The following DENND1A variants were observed in gnomAD, a reference collection of about 807,000 sequenced individuals.
DENND1A encodes the protein DENN domain containing 1A.
A neutral mutation model predicts 113.7 loss-of-function variants in DENND1A; 51 were observed. The ratio of observed to expected loss-of-function variants is 0.45; its 90% CI spans 0.36 to 0.57. The LOEUF (loss-of-function observed/expected upper bound fraction) is 0.57. Among genes scored for constraint, DENND1A ranks in the 20% least tolerant of loss-of-function variants. The pLI, the probability that DENND1A is intolerant of heterozygous loss-of-function variation, is 0.00. For missense variants in DENND1A, 1,258 were observed against 1,395.9 expected, an observed-to-expected ratio of 0.90 and a Z score of 1.57; for synonymous variants, 565 against 570.8, an observed-to-expected ratio of 0.99 and a Z score of 0.14.
chr9:123,811,368 T>A (rs1312087173), intron 2 of DENND1A, among the ~76,000 whole-genome samples: 1 of 152,038 alleles, frequency 6.6e-6, no homozygotes, highest in Non-Finnish European at 1.5e-5. Context: ...TAACTAAGAG[T>A]ATGGCTGGAT....
At position 123,614,343 on chromosome 9, in the gene DENND1A, G is replaced by C. The variant is rs541835335; in HGVS notation, c.720-4862C>G. ...CGCCAGTCCTCTTGGTTCCAGGCCT[G>C]TGATGCTGAGCGCTTCTCTGACAGG... On this transcript the variant is annotated intron_variant, in intron 10 of 23. Transcript: ENST00000394215. Among the ~76,000 whole-genome samples, 203 of 152,320 alleles carry C rather than the reference G, an allele frequency of 1.3e-3. 1 individual carries two copies. Among genetic ancestry groups the C allele is most frequent in the South Asian group, 1.9e-3 (9 of 4,820 alleles).
At chr9:123,918,590 T>C (rs1394836582) in intron 1 of DENND1A, among the ~76,000 whole-genome samples, 1 of 151,970 alleles carries the variant, frequency 6.6e-6, no homozygotes, top group Non-Finnish European at 1.5e-5. Context: ...AGCCAATAAG[T>C]TTAAATACAT....
chr9:123,663,827 T>C (rs2063363518), intron 8 of DENND1A, among the ~76,000 whole-genome samples: 1 of 151,704 alleles, frequency 6.6e-6, no homozygotes, highest in South Asian at 2.1e-4. Flanking sequence ...CTTTTAAAAA[T>C]GTAAGTTTTG....
At chr9:123,525,239 G>T (rs2054725256) in intron 13 of DENND1A, among the ~76,000 whole-genome samples, 1 of 152,212 alleles carries the variant, frequency 6.6e-6, no homozygotes, top group African/African-American at 2.4e-5. Context: ...CAGGACCCAG[G>T]GAGCAGCCCT....
intron 13 of DENND1A, among the ~76,000 whole-genome samples, chr9:123,459,189 A>G (rs951750340): frequency 9.2e-5 from 14 of 152,140 alleles, no homozygotes; most frequent in African/African-American, 2.9e-4. Flanking sequence ...AAGATTTTAT[A>G]CAGAAGGAAC....
At chr9:123,567,527 T>C (rs1360734344) in intron 12 of DENND1A, among the ~76,000 whole-genome samples, 1 of 152,212 alleles carries the variant, frequency 6.6e-6, no homozygotes, top group East Asian at 1.9e-4. Context: ...ACCAGAACAT[T>C]AATGCCTTTT....
intron 13 of DENND1A, among the ~76,000 whole-genome samples, chr9:123,546,947 ATAGTGTT>A (rs2056740017): frequency 6.6e-6 from 1 of 152,236 alleles, no homozygotes; most frequent in Non-Finnish European, 1.5e-5. Context: ...GAGATTGATC[ATAGTGTT>A]TAAGTGGATT....
At chr9:123,746,376 T>G (rs1055247095) in intron 5 of DENND1A, among the ~76,000 whole-genome samples, 5 of 152,178 alleles carry the variant, frequency 3.3e-5, no homozygotes, top group Non-Finnish European at 5.9e-5. Flanking sequence ...TATAAATCCA[T>G]GTTTTAAAAA....
At chr9:123,829,398 C>A (rs950198769) in intron 2 of DENND1A, among the ~76,000 whole-genome samples, 11 of 151,742 alleles carry the variant, frequency 7.2e-5, no homozygotes, top group African/African-American at 2.7e-4. Context: ...AAAATTCAGA[C>A]TTAAAAGAAA....
chr9:123,730,873 T>C (rs924827160), intron 5 of DENND1A, among the ~76,000 whole-genome samples: 6 of 152,082 alleles, frequency 3.9e-5, no homozygotes, highest in Non-Finnish European at 5.9e-5. Flanking sequence ...CCATGAATGA[T>C]AGACTGGATA....
At position 123,764,074 on chromosome 9, in the gene DENND1A, C is replaced by G. The variant is rs926334220; in HGVS notation, c.182+5440G>C. On this transcript the variant is annotated intron_variant, in intron 4 of 23. Coordinates refer to ENST00000394215, the MANE Select transcript of DENND1A (RefSeq NM_001352964.2). The surrounding 1 kb of genome is among the most constrained non-coding windows in gnomAD (Gnocchi z 4.1). ...AAACATTAAGGCCTGGACCTTACATCAGAATCCCAGACATGTTACTCAGCA... is the reference window on the plus strand; with the variant it reads ...AAACATTAAGGCCTGGACCTTACATGAGAATCCCAGACATGTTACTCAGCA... Among the ~76,000 whole-genome samples, 6 of 152,136 alleles carry G rather than the reference C, an allele frequency of 3.9e-5. No individual in the cohort carries two copies. Among genetic ancestry groups the G allele is most frequent in the Admixed American group, 6.5e-5 (1 of 15,270 alleles).
intron 19 of DENND1A, among the ~76,000 whole-genome samples, chr9:123,415,839 G>A (rs1247480583): frequency 2.0e-5 from 3 of 152,204 alleles, no homozygotes; most frequent in African/African-American, 7.2e-5. Flanking sequence ...ACAGGGCGTG[G>A]TGGGGCCATC....
At chr9:123,697,143 T>C (rs1482898965) in intron 5 of DENND1A, among the ~76,000 whole-genome samples, 1 of 152,210 alleles carries the variant, frequency 6.6e-6, no homozygotes, top group Non-Finnish European at 1.5e-5. Flanking sequence ...TTGCTTGCCA[T>C]TTTAACAGGA....
chr9:123,739,262 G>GTAT (rs1425668905), intron 5 of DENND1A, among the ~76,000 whole-genome samples: 8 of 152,074 alleles, frequency 5.3e-5, no homozygotes, highest in Non-Finnish European at 1.2e-4. Flanking sequence ...CAGTGAGAGG[G>GTAT]TATTAATAAG....
chr9:123,566,940 C>CACACA (rs1318552391), intron 12 of DENND1A, among the ~76,000 whole-genome samples: 1 of 150,980 alleles, frequency 6.6e-6, no homozygotes, highest in African/African-American at 2.4e-5. Context: ...CACACACACA[C>CACACA]AAACACACAC....
chr9:123,775,758 A>G (rs934894330), intron 3 of DENND1A, among the ~76,000 whole-genome samples: 1 of 152,176 alleles, frequency 6.6e-6, no homozygotes, highest in African/African-American at 2.4e-5. Flanking sequence ...CTTTCCTGCC[A>G]CCAGTCCTTC....
intron 2 of DENND1A, among the ~76,000 whole-genome samples, chr9:123,852,978 G>A (rs1843603542): frequency 6.6e-6 from 1 of 151,868 alleles, no homozygotes; most frequent in South Asian, 2.1e-4. Flanking sequence ...GAATGCAGTG[G>A]CATAATCTTG....
At chr9:123,818,501 CATAT>C (rs1246503734) in intron 2 of DENND1A, among the ~76,000 whole-genome samples, 8 of 130,382 alleles carry the variant, frequency 6.1e-5, no homozygotes, top group African/African-American at 1.1e-4. Flanking sequence ...GGAATATTGG[CATAT>C]ATATACATAC....
chr9:123,381,496 G>A lies in DENND1A; in HGVS notation c.3149C>T (p.Pro1050Leu), dbSNP rs765919260. The A allele has an allele frequency of 1.1e-5, 17 of 1,613,486 alleles. No individual in the cohort carries two copies. Among genetic ancestry groups the A allele is most frequent in the East Asian group, 6.7e-5 (3 of 44,870 alleles). ...QKTKQDVSPS[P>L]ALAPAPDSVE... Reference sequence around the variant, plus strand: ...CGAGTCTGGGGCCGGGGCCAGGGCCGGACTCGGGCTCACGTCTTGCTTGGT... The same window carrying A: ...CGAGTCTGGGGCCGGGGCCAGGGCCAGACTCGGGCTCACGTCTTGCTTGGT... Residue 1050 changes from proline to leucine, a missense_variant, in exon 24 of 24, where the codon CCG becomes CTG. By Grantham distance (98) the Pro-to-Leu change is moderately conservative. This residue lies in a region of DENND1A where 1,159 missense variants were observed against 1,231.7 expected (regional missense o/e 0.94). Transcript: ENST00000394215. This position sits in a 1 kb window ranked among gnomAD's most constrained non-coding sequence, Gnocchi z 4.7.
Sources: allele counts gnomAD v4.1 joint callset (sites outside exome capture counted in the v4.1 genomes callset), GRCh38; gene constraint gnomAD v4.1.1; regional missense constraint gnomAD v4.1.1; non-coding constraint Gnocchi (gnomAD v3.1); transcripts MANE v1.5; gene names NCBI Gene and HGNC (gene_info 2026-07-23, HGNC 2026-07-21).